MRPL58: variants seen among roughly 807,000 people sequenced by gnomAD.
MRPL58 encodes mitochondrial ribosomal protein L58, also known as large ribosomal subunit protein mL62.
A neutral mutation model predicts 26.0 loss-of-function variants in MRPL58; 17 were observed. The ratio of observed to expected loss-of-function variants is 0.65; its 90% CI spans 0.45 to 0.98. The LOEUF is 0.98. MRPL58 is among the 50% of genes least tolerant of loss of function. The pLI, the probability that MRPL58 is intolerant of heterozygous loss-of-function variation, is 0.00. For missense variants in MRPL58, 250 were observed against 269.0 expected, an observed-to-expected ratio of 0.93 and a Z score of 0.49; for synonymous variants, 100 against 99.7, an observed-to-expected ratio of 1.00 and a Z score of -0.02.
intron 1 of MRPL58, among the ~76,000 whole-genome samples, chr17:75,014,035 G>A (rs1225613330): frequency 6.6e-6 from 1 of 152,164 alleles, no homozygotes; most frequent in Non-Finnish European, 1.5e-5. Flanking sequence ...GCAATGTAGG[G>A]CAAGAGATGA....
At chr17:75,016,287 G>A (rs1363831055) in intron 1 of MRPL58, among the ~76,000 whole-genome samples, 1 of 151,716 alleles carries the variant, frequency 6.6e-6, no homozygotes, top group Non-Finnish European at 1.5e-5. Context: ...ATGGTGGCAT[G>A]CGCCTGTAAT....
At chr17:75,016,205 A>C (rs1266182357) in intron 1 of MRPL58, among the ~76,000 whole-genome samples, 9 of 150,312 alleles carry the variant, frequency 6.0e-5, no homozygotes, top group Non-Finnish European at 1.0e-4. Context: ...GGAGCTCGAA[A>C]CCAGTCTGGC....
chr17:75,015,577 T>C (rs912652113), intron 1 of MRPL58, among the ~76,000 whole-genome samples: 2 of 152,046 alleles, frequency 1.3e-5, no homozygotes, highest in Non-Finnish European at 2.9e-5. Flanking sequence ...TTCAAGGGCA[T>C]GTCAGTGTTT....
Position 75,019,548 on chromosome 17 carries a change from C to T in MRPL58, c.224-152C>T, listed in dbSNP as rs1381570104. ...CTCACTGGGACCAGCTCTCTGCCAC[C>T]GTGGTGCCACAGTTCCTTGCCACCC... On this transcript the variant is annotated intron_variant, in intron 2 of 5. Transcript: ENST00000301585. 5.9e-6 allele frequency: 4 copies of T among 679,090 alleles called. No individual in the cohort carries two copies. In the East Asian group the frequency reaches 1.1e-4, roughly 19 times the overall value. 42.1% of individuals were successfully genotyped at this position (679,090 alleles called of 1,614,324 possible). A position where few individuals can be genotyped will look rare whatever the true frequency, so the allele number is the denominator to read the frequency against.
At chr17:75,018,970 T>G (rs893724151) in intron 2 of MRPL58, among the ~76,000 whole-genome samples, 2 of 151,934 alleles carry the variant, frequency 1.3e-5, no homozygotes, top group Non-Finnish European at 2.9e-5. Flanking sequence ...GTTTTGTAGC[T>G]TGAAGCTGTG....
intron 1 of MRPL58, among the ~76,000 whole-genome samples, chr17:75,015,081 G>C (rs116483427): frequency 0.017 from 2,632 of 152,330 alleles, 81 homozygotes; most frequent in African/African-American, 0.06. Context: ...GGCGGCTTAA[G>C]GTTTGGGTCC....
chr17:75,019,373 G>A (rs1177541118), intron 2 of MRPL58, among the ~76,000 whole-genome samples: 1 of 152,150 alleles, frequency 6.6e-6, no homozygotes, highest in Non-Finnish European at 1.5e-5. Context: ...TCAAGCTTTG[G>A]CCATGTGCAA....
intron 1 of MRPL58, among the ~76,000 whole-genome samples, chr17:75,013,748 C>T (rs2039951068): frequency 6.6e-6 from 1 of 152,020 alleles, no homozygotes; most frequent in Non-Finnish European, 1.5e-5. Context: ...GATGAGCATC[C>T]TAGGCAGAGG....
Position 75,017,105 on chromosome 17 carries a change from A to G in MRPL58, c.214A>G (p.Ile72Val). Residue 72 changes from isoleucine (I) to valine (V), a missense_variant, in exon 2 of 6, where the codon ATC becomes GTC. Physicochemically the swap from Ile to Val is conservative, Grantham distance 29. Transcript: ENST00000301585. ...TGGTGCAAAGCAAGCCGACAGTGACATCCCTCTAGGTAAGTAATTTTGTTT... is the reference window on the plus strand; with the variant it reads ...TGGTGCAAAGCAAGCCGACAGTGACGTCCCTCTAGGTAAGTAATTTTGTTT... ...PNGAKQADSD[I>V]PLDRLTISYC... 6.2e-7 allele frequency: 1 copy of G among 1,612,706 alleles called. No individual in the cohort carries two copies. Among genetic ancestry groups the G allele is most frequent in the South Asian group, 1.1e-5 (1 of 91,058 alleles).
intron 1 of MRPL58, among the ~76,000 whole-genome samples, chr17:75,015,344 CGTGGT>C (rs2039965232): frequency 6.6e-6 from 1 of 152,100 alleles, no homozygotes; most frequent in Non-Finnish European, 1.5e-5. Context: ...ATTAGTCGGG[CGTGGT>C]GGCACACGCC....
At position 75,020,531 on chromosome 17, in the gene MRPL58, C is replaced by A. The variant is rs1399023089; in HGVS notation, c.410C>A (p.Ser137Tyr). The change falls in exon 5 of 6, where the codon TCT becomes TAT. Residue 137 changes from serine to tyrosine, a missense_variant. Transcript: ENST00000301585. ...AGGTTAGGAGAGTTGATCCTCACCT[C>A]TGAGAGCAGCCGCTATCAGTTCCGG... The part of the protein sequence containing the change: ...INRLGELILT[S>Y]ESSRYQFRNL... 1 of 1,614,158 alleles carries A rather than the reference C, an allele frequency of 6.2e-7. No individual in the cohort carries two copies. Among genetic ancestry groups the A allele is most frequent in the East Asian group, 2.2e-5 (1 of 44,876 alleles).
At chr17:75,019,957 G>C (rs1222514101) in intron 3 of MRPL58, among the ~76,000 whole-genome samples, 198 bp downstream of exon 3, 1 of 152,126 alleles carries the variant, frequency 6.6e-6, no homozygotes, top group Non-Finnish European at 1.5e-5. Context: ...CTAGGACTAG[G>C]ATCGGCTTGT....
In MRPL58 at chr17:75,020,480, C is replaced by T; in HGVS notation, c.367-8C>T. 6.2e-7 allele frequency: 1 copy of T among 1,613,854 alleles called. No individual in the cohort carries two copies. ...GTAGGACTCCAGTTTTTCATTTGTT[C>T]TCTGCAGCATAAAAACAAGATCAAC... is the stretch of plus-strand genomic sequence containing the variant. On this transcript the variant is annotated splice_region_variant and splice_polypyrimidine_tract_variant and intron_variant, in intron 4 of 5. Coordinates refer to ENST00000301585, the MANE Select transcript of MRPL58 (RefSeq NM_001545.3).
chr17:75,017,908 A>G (rs1598668402), intron 2 of MRPL58, among the ~76,000 whole-genome samples: 1 of 149,232 alleles, frequency 6.7e-6, no homozygotes, highest in African/African-American at 2.5e-5. Flanking sequence ...TGGGCGACAC[A>G]GCGAGACTCT....
intron 2 of MRPL58, among the ~76,000 whole-genome samples, chr17:75,018,392 C>T (rs113055538): frequency 6.6e-5 from 10 of 152,062 alleles, no homozygotes; most frequent in East Asian, 1.9e-4. Context: ...CCACCACGCC[C>T]GGCTAATTTT....
intron 1 of MRPL58, among the ~76,000 whole-genome samples, chr17:75,013,723 T>C (rs971224671): frequency 2.0e-5 from 3 of 151,994 alleles, no homozygotes; most frequent in Non-Finnish European, 2.9e-5. Context: ...CAGCAAGTCA[T>C]GAGAATAGGG....
intron 1 of MRPL58, among the ~76,000 whole-genome samples, chr17:75,014,179 C>CTTTT (rs570042413): frequency 2.7e-3 from 210 of 77,036 alleles, no homozygotes; most frequent in Non-Finnish European, 3.8e-3. Context: ...AGTCTGGGGC[C>CTTTT]TTTTTTTTTT....
At chr17:75,013,114 G>C (rs558755473) in intron 1 of MRPL58, among the ~76,000 whole-genome samples, 11 of 152,350 alleles carry the variant, frequency 7.2e-5, no homozygotes, top group Admixed American at 3.3e-4. Flanking sequence ...GCTTTTCTAC[G>C]TTCGTGTCCT....
chr17:75,020,537 G>A lies in MRPL58; in HGVS notation c.416G>A (p.Ser139Asn). 1 of 1,614,142 alleles carries A rather than the reference G, an allele frequency of 6.2e-7. No homozygotes were observed. Among genetic ancestry groups the A allele is most frequent in the East Asian group, 2.2e-5 (1 of 44,890 alleles). Residue 139 changes from serine to asparagine, a missense_variant, in exon 5 of 6, where the codon AGC (serine) becomes AAC (asparagine). Transcript: ENST00000301585. ...RLGELILTSESSRYQFRNLAD... is the reference protein window; with the variant it reads ...RLGELILTSENSRYQFRNLAD... ...GGAGAGTTGATCCTCACCTCTGAGA[G>A]CAGCCGCTATCAGTTCCGGAATCTG...
Sources: gnomAD v4.1 joint callset for allele counts (sites outside exome capture counted in the v4.1 genomes callset) on GRCh38, gnomAD v4.1.1 for gene constraint, MANE v1.5 for transcripts, NCBI Gene and HGNC (gene_info 2026-07-23, HGNC 2026-07-21) for gene names.